The following KCTD3 variants were observed in gnomAD, a reference collection of about 807,000 sequenced individuals.
The protein encoded by KCTD3 is potassium channel tetramerization domain containing 3.
In KCTD3, 41 loss-of-function variants were observed where a neutral mutation model predicts 85.8. That is an observed-to-expected ratio of 0.48 (90% CI 0.37 to 0.62). KCTD3 has a LOEUF of 0.62. Among genes scored for constraint, KCTD3 ranks in the 20% least tolerant of loss-of-function variants. KCTD3 has a pLI of 0.00. For missense variants in KCTD3, 724 were observed against 989.9 expected, an observed-to-expected ratio of 0.73 and a Z score of 3.60; for synonymous variants, 338 against 345.4, an observed-to-expected ratio of 0.98 and a Z score of 0.24.
At chr1:215,589,447 T>A (rs1571882484) in intron 9 of KCTD3, among the ~76,000 whole-genome samples, 1 of 152,186 alleles carries the variant, frequency 6.6e-6, no homozygotes, top group Admixed American at 6.5e-5. Flanking sequence ...GGCCAATTTC[T>A]TTTTGTTTAA....
intron 15 of KCTD3, among the ~76,000 whole-genome samples, chr1:215,616,620 C>G (rs144344240): frequency 0.017 from 2,635 of 152,084 alleles, 70 homozygotes; most frequent in African/African-American, 0.061. Flanking sequence ...ATTAGCCAGG[C>G]CTGGTGGCAC....
chr1:215,591,387 C>A (rs1212422633), intron 9 of KCTD3, among the ~76,000 whole-genome samples: 1 of 150,758 alleles, frequency 6.6e-6, no homozygotes. Flanking sequence ...TAGACAGAAT[C>A]TCACTCTGTC....
At chr1:215,591,698 G>T (rs1392812344) in intron 9 of KCTD3, among the ~76,000 whole-genome samples, 1 of 152,178 alleles carries the variant, frequency 6.6e-6, no homozygotes, top group African/African-American at 2.4e-5. Flanking sequence ...CCCAGGTGCA[G>T]TTAGGCCTTA....
intron 9 of KCTD3, among the ~76,000 whole-genome samples, chr1:215,588,018 C>T (rs1162081235): frequency 6.6e-6 from 1 of 152,148 alleles, no homozygotes; most frequent in Non-Finnish European, 1.5e-5. Context: ...CTCACTGTGG[C>T]AGATAAAAGT....
chr1:215,579,720 G>T (rs184428499), intron 7 of KCTD3, among the ~76,000 whole-genome samples, 189 bp from the exon 8 acceptor site: 1 of 151,952 alleles, frequency 6.6e-6, no homozygotes, highest in African/African-American at 2.4e-5. Flanking sequence ...GTATGGTCTC[G>T]ATCCCCTGAC....
rs757915508 is a variant in KCTD3, at chr1:215,601,954, G to GGTAA, written c.1021+3_1021+6dup. 6.4e-7 allele frequency: 1 copy of GGTAA among 1,572,178 alleles called. No homozygotes were observed. Among genetic ancestry groups the GGTAA allele is most frequent in the Non-Finnish European group, 8.7e-7 (1 of 1,143,442 alleles). On this transcript the variant is annotated frameshift_variant and splice_region_variant. Coordinates refer to ENST00000259154, the MANE Select transcript of KCTD3 (RefSeq NM_016121.5). LOFTEE classifies it high-confidence loss of function. ...TAACAATGGATCAATATATTACATA[G>GGTAA]GTAAGTGTTCAGTCACTTAAAATGC... is the stretch of plus-strand genomic sequence containing the variant.
intron 13 of KCTD3, among the ~76,000 whole-genome samples, chr1:215,605,146 G>A (rs977861048): frequency 6.6e-6 from 1 of 152,046 alleles, no homozygotes; most frequent in East Asian, 1.9e-4. Flanking sequence ...AGCAGTTCTT[G>A]CCCAACTTAA....
At chr1:215,574,563 G>A (rs1230819448) in intron 3 of KCTD3, among the ~76,000 whole-genome samples, 2 of 152,118 alleles carry the variant, frequency 1.3e-5, no homozygotes, top group Non-Finnish European at 2.9e-5. Context: ...GAATTGTAAA[G>A]TTTCAGTGCA....
intron 13 of KCTD3, among the ~76,000 whole-genome samples, chr1:215,607,617 T>C (rs1237317294): frequency 6.6e-6 from 1 of 152,042 alleles, no homozygotes; most frequent in Non-Finnish European, 1.5e-5. Context: ...TAAGTTCTGA[T>C]CTAGGTTAAT....
chr1:215,584,503 T>C (rs1659939948), intron 8 of KCTD3, among the ~76,000 whole-genome samples: 1 of 152,226 alleles, frequency 6.6e-6, no homozygotes, highest in Non-Finnish European at 1.5e-5. Context: ...GGTTTATCAT[T>C]GCCTGCAAAT....
At chr1:215,584,591 AC>A (rs1362487377) in intron 8 of KCTD3, among the ~76,000 whole-genome samples, 1 of 152,110 alleles carries the variant, frequency 6.6e-6, no homozygotes, top group Non-Finnish European at 1.5e-5. Flanking sequence ...TCAGAAAGTG[AC>A]TTTCTTTACT....
rs1468541811 is a variant in KCTD3 at position 215,585,317 on chromosome 1, A to G, written c.627-1178A>G. 2.0e-5 allele frequency among the ~76,000 whole-genome samples: 3 copies of G among 152,198 alleles called. No individual in the cohort carries two copies. In the East Asian group the frequency reaches 5.8e-4, roughly 29 times the overall value. ...TACACAATGCTTAGGAAAAATTGAT[A>G]CATTTTTCTCTATTGCTTTGAAGTT... On this transcript the variant is annotated intron_variant, in intron 8 of 17. Coordinates refer to ENST00000259154, the MANE Select transcript of KCTD3 (RefSeq NM_016121.5).
chr1:215,613,871 A>G (rs1438630106), intron 15 of KCTD3, among the ~76,000 whole-genome samples: 1 of 151,574 alleles, frequency 6.6e-6, no homozygotes, highest in Non-Finnish European at 1.5e-5. Context: ...TTGTTTTTGT[A>G]CCGGTACCAT....
intron 15 of KCTD3, chr1:215,618,276 A>C: frequency 8.8e-6 from 2 of 227,454 alleles, no homozygotes; most frequent in South Asian, 5.8e-5. Context: ...AGTCTTTATC[A>C]CTACATGTGG....
intron 9 of KCTD3, among the ~76,000 whole-genome samples, chr1:215,593,383 G>A (rs960264556): frequency 2.0e-5 from 3 of 152,116 alleles, no homozygotes; most frequent in African/African-American, 7.2e-5. Context: ...ATACTTAGCA[G>A]GTTTTTTGTT....
At chr1:215,591,805 G>A in intron 9 of KCTD3, among the ~76,000 whole-genome samples, 1 of 152,270 alleles carries the variant, frequency 6.6e-6, no homozygotes, top group East Asian at 1.9e-4. Context: ...CTAGCCTCAA[G>A]TTCTTCGCCT....
At chr1:215,596,527 A>C (rs1240363875) in intron 10 of KCTD3, among the ~76,000 whole-genome samples, 1 of 152,192 alleles carries the variant, frequency 6.6e-6, no homozygotes, top group Non-Finnish European at 1.5e-5. Context: ...TAGACAACCA[A>C]GAGCCAAAGG....
At chr1:215,581,426 A>G (rs1659821955) in intron 8 of KCTD3, among the ~76,000 whole-genome samples, 1 of 152,070 alleles carries the variant, frequency 6.6e-6, no homozygotes, top group Non-Finnish European at 1.5e-5. Flanking sequence ...CATCTTATAT[A>G]TTTGAATTGA....
chr1:215,575,712 A>T (rs1026029017), intron 3 of KCTD3, among the ~76,000 whole-genome samples, 189 bp from the exon 4 acceptor site: 4 of 152,190 alleles, frequency 2.6e-5, no homozygotes, highest in African/African-American at 9.7e-5. Context: ...CACCATCTCA[A>T]GAAAAAGACA....
Sources: allele counts gnomAD v4.1 joint callset (sites outside exome capture counted in the v4.1 genomes callset), GRCh38; gene constraint gnomAD v4.1.1; transcripts MANE v1.5; gene names NCBI Gene and HGNC (gene_info 2026-07-23, HGNC 2026-07-21).